The following ZNF536 variants were observed in gnomAD, a reference collection of about 807,000 sequenced individuals.
The protein encoded by ZNF536 is zinc finger protein 536.
In ZNF536, 13 loss-of-function variants were observed where a neutral mutation model predicts 84.5. The observed-to-expected ratio is 0.15, with a 90% CI of 0.10 to 0.24. The LOEUF (loss-of-function observed/expected upper bound fraction) is 0.24, where lower values mean the gene tolerates loss of function less well. Among genes scored for constraint, ZNF536 ranks in the 10% least tolerant of loss-of-function variants. The probability of loss-of-function intolerance (pLI) is 1.00; values close to 1 mark genes in which losing one functional copy is unlikely to be tolerated. For missense variants in ZNF536, 1,536 were observed against 1,747.5 expected (o/e 0.88, Z 2.16); for synonymous variants, 811 against 742.5 (o/e 1.09, Z -1.50).
rs766809217 is a variant in ZNF536 at position 30,548,611 on chromosome 19, A to T, written c.2992A>T (p.Ile998Phe). ...PGSSVTVQDS[I>F]AWHGCLFCAF... ...CTCCTCGGTAACTGTGCAGGACAGC[A>T]TTGCATGGCACGGCTGCTTGTTTTG... is the stretch of plus-strand genomic sequence containing the variant. The change falls in exon 4 of 5, where the codon ATT becomes TTT. Residue 998 changes from isoleucine to phenylalanine, a missense_variant. This residue lies in a region of ZNF536 where 624 missense variants were observed against 603.1 expected (regional missense o/e 1.03). Transcript: ENST00000355537. 1.2e-6 allele frequency: 2 copies of T among 1,614,124 alleles called. No homozygotes were observed. The highest frequency in any genetic ancestry group is 2.2e-5 in the South Asian group (2 of 91,078).
At chr19:30,588,587 A>T (rs548975742) in intron 1 of ZNF536, among the ~76,000 whole-genome samples, 52 of 152,208 alleles carry the variant, frequency 3.4e-4, no homozygotes, top group African/African-American at 1.3e-3. Flanking sequence ...AATTTTTCTG[A>T]TCCAAACCAA....
chr19:30,452,862 T>C (rs991281988), intron 2 of ZNF536, among the ~76,000 whole-genome samples: 8 of 152,034 alleles, frequency 5.3e-5, no homozygotes, highest in Non-Finnish European at 8.8e-5. Flanking sequence ...TGTCGGCATC[T>C]GATGGGTGCA....
intron 1 of ZNF536, among the ~76,000 whole-genome samples, chr19:30,586,630 G>T (rs1230694280): frequency 2.0e-5 from 3 of 152,130 alleles, no homozygotes; most frequent in African/African-American, 7.2e-5. Flanking sequence ...TCTAGAGGAT[G>T]GTCATAAGCT....
chr19:30,560,885 C>A (rs760343203), downstream of ZNF536, among the ~76,000 whole-genome samples: 1 of 152,230 alleles, frequency 6.6e-6, no homozygotes, highest in Non-Finnish European at 1.5e-5. Context: ...ATTGTCTCTG[C>A]GTAAGCAGAT....
At chr19:30,658,028 C>CT (rs1024670392) in intron 1 of ZNF536, among the ~76,000 whole-genome samples, 1 of 102,270 alleles carries the variant, frequency 9.8e-6, no homozygotes, top group African/African-American at 3.9e-5. Context: ...TCCCCCCCCC[C>CT]TTTTTTTTCC....
At chr19:30,429,468 C>T (rs1167241041) in intron 1 of ZNF536, among the ~76,000 whole-genome samples, 2 of 152,108 alleles carry the variant, frequency 1.3e-5, no homozygotes, top group African/African-American at 2.4e-5. Context: ...CCAAGAACAA[C>T]TCTAGGGAAG....
chr19:30,371,034 C>A (rs980389144), upstream of ZNF536, among the ~76,000 whole-genome samples: 1 of 152,122 alleles, frequency 6.6e-6, no homozygotes, highest in Non-Finnish European at 1.5e-5. Flanking sequence ...CAATCTAAAT[C>A]TCATAAGTGA....
intron 1 of ZNF536, among the ~76,000 whole-genome samples, chr19:30,412,857 G>C (rs567767802): frequency 5.3e-5 from 8 of 151,944 alleles, no homozygotes; most frequent in Non-Finnish European, 5.9e-5. Context: ...ACATAAAAGT[G>C]ATGAGGCTTT....
intron 1 of ZNF536, among the ~76,000 whole-genome samples, chr19:30,273,001 C>G (rs1288388946): frequency 1.3e-5 from 2 of 152,190 alleles, no homozygotes; most frequent in Non-Finnish European, 2.9e-5. Context: ...CAGCCTCGAC[C>G]TCCCAGGCTA....
chr19:30,374,629 C>T (rs910776510), intron 1 of ZNF536, among the ~76,000 whole-genome samples: 2 of 152,016 alleles, frequency 1.3e-5, no homozygotes, highest in Non-Finnish European at 2.9e-5. Flanking sequence ...TGCGCAAAGA[C>T]AAAGGGGGTA....
intron 1 of ZNF536, among the ~76,000 whole-genome samples, chr19:30,574,491 A>G (rs1351106739): frequency 6.6e-6 from 1 of 152,196 alleles, no homozygotes; most frequent in Non-Finnish European, 1.5e-5. Flanking sequence ...GGTTGGTCAC[A>G]ATAGCAATGA....
At chr19:30,419,713 G>C (rs886999936) in intron 1 of ZNF536, among the ~76,000 whole-genome samples, 3 of 152,210 alleles carry the variant, frequency 2.0e-5, no homozygotes, top group African/African-American at 7.2e-5. Context: ...AGGAGGATTG[G>C]ATGGGGTCTG....
chr19:30,703,837 G>A (rs2052102367), intron 1 of ZNF536, among the ~76,000 whole-genome samples: 1 of 152,204 alleles, frequency 6.6e-6, no homozygotes, highest in Admixed American at 6.5e-5. Flanking sequence ...CTGTGATATA[G>A]TGTCAGTATT....
At chr19:30,505,115 AG>A (rs1220174160) in intron 2 of ZNF536, among the ~76,000 whole-genome samples, 6 of 151,910 alleles carry the variant, frequency 3.9e-5, no homozygotes, top group Non-Finnish European at 8.8e-5. Context: ...ACAAAGTTGA[AG>A]AGTAATTTGG....
At chr19:30,538,166 C>A (rs1181115939) in intron 3 of ZNF536, among the ~76,000 whole-genome samples, 1 of 152,168 alleles carries the variant, frequency 6.6e-6, no homozygotes, top group Non-Finnish European at 1.5e-5. Flanking sequence ...CCTGGTGTCT[C>A]TCCTTGCTCC....
In ZNF536 at chr19:30,444,471, G is replaced by A. The variant is rs2148185093; in HGVS notation, c.909G>A (p.Thr303=). Residue 303 remains threonine, a synonymous_variant, in exon 2 of 5, where the codon ACG becomes ACA. Transcript: ENST00000355537. The stretch of plus-strand genomic sequence containing the variant: ...TCTTGCACAAGCCCTACAAGTGCAC[G>A]TTGTGCGACTTCGCGGCTTCGCAGG... ...IRILHKPYKC[T]LCDFAASQEE... 3 of 1,610,784 alleles carry A rather than the reference G, an allele frequency of 1.9e-6. No homozygotes were observed. The highest frequency in any genetic ancestry group is 2.5e-6 in the Non-Finnish European group (3 of 1,179,884).
At chr19:30,664,378 G>A (rs772717977) in intron 1 of ZNF536, among the ~76,000 whole-genome samples, 5 of 152,016 alleles carry the variant, frequency 3.3e-5, no homozygotes, top group Admixed American at 6.6e-5. Flanking sequence ...GCTGATGGAC[G>A]CTGATTTAGG....
intron 1 of ZNF536, among the ~76,000 whole-genome samples, chr19:30,564,152 A>G (rs1175589661): frequency 6.6e-6 from 1 of 152,148 alleles, no homozygotes; most frequent in East Asian, 1.9e-4. Context: ...GATTAAAGAG[A>G]ACCTGGAGAC....
chr19:30,415,477 T>C (rs2050690747), intron 1 of ZNF536, among the ~76,000 whole-genome samples: 1 of 151,550 alleles, frequency 6.6e-6, no homozygotes, highest in Non-Finnish European at 1.5e-5. Context: ...TGTGACAGTG[T>C]GTGAATTCTT....
Sources: allele counts gnomAD v4.1 joint callset (sites outside exome capture counted in the v4.1 genomes callset), GRCh38; gene constraint gnomAD v4.1.1; regional missense constraint gnomAD v4.1.1; transcripts MANE v1.5; gene names NCBI Gene and HGNC (gene_info 2026-07-23, HGNC 2026-07-21).